The following INTS9 variants were observed in gnomAD, a reference collection of about 807,000 sequenced individuals.
The protein encoded by INTS9 is integrator complex subunit 9, also known as protein related to CPSF subunits of 74 kDa.
INTS9 carries 55 observed loss-of-function variants against 79.7 expected under a neutral mutation model. The ratio of observed to expected loss-of-function variants is 0.69; its 90% confidence interval spans 0.56 to 0.86. The LOEUF is 0.86. INTS9 is among the 40% of genes least tolerant of loss of function. INTS9 has a pLI of 0.00. For missense variants in INTS9, 721 were observed against 831.5 expected (o/e 0.87, Z 1.64); for synonymous variants, 319 against 325.2 (o/e 0.98, Z 0.20).
chr8:28,869,561 C>A (rs555632959), intron 1 of INTS9, among the ~76,000 whole-genome samples: 3 of 152,310 alleles, frequency 2.0e-5, no homozygotes, highest in Admixed American at 1.3e-4. Context: ...TTCCACTGAG[C>A]CAAATTTGCC....
intron 1 of INTS9, among the ~76,000 whole-genome samples, chr8:28,865,743 G>A (rs1353752317): frequency 2.0e-5 from 3 of 152,060 alleles, no homozygotes; most frequent in African/African-American, 2.4e-5. Flanking sequence ...AGATGTGCAC[G>A]GGTATGAGGT....
At chr8:28,827,677 CTGA>C (rs1274470575) in intron 6 of INTS9, among the ~76,000 whole-genome samples, 1 of 152,082 alleles carries the variant, frequency 6.6e-6, no homozygotes, top group Non-Finnish European at 1.5e-5. Flanking sequence ...GTTACAACCC[CTGA>C]TGTTTATTTT....
At chr8:28,773,381 A>G (rs1310317671) in intron 14 of INTS9, among the ~76,000 whole-genome samples, 11 of 149,612 alleles carry the variant, frequency 7.4e-5, no homozygotes, top group South Asian at 4.2e-4. Context: ...GGAGAATGGC[A>G]TGAAGCTGGG....
At chr8:28,820,347 G>A (rs1265018630) in intron 6 of INTS9, among the ~76,000 whole-genome samples, 1 of 152,162 alleles carries the variant, frequency 6.6e-6, no homozygotes, top group African/African-American at 2.4e-5. Flanking sequence ...GGGCAGGCCT[G>A]GTGGTGACAA....
intron 10 of INTS9, among the ~76,000 whole-genome samples, chr8:28,793,486 T>C (rs1008060444): frequency 6.6e-6 from 1 of 152,218 alleles, no homozygotes; most frequent in Admixed American, 6.5e-5. Flanking sequence ...AAAATTTTTT[T>C]AACTTTTAGA....
intron 1 of INTS9, among the ~76,000 whole-genome samples, chr8:28,880,988 C>G (rs987043140): frequency 6.6e-6 from 1 of 151,228 alleles, no homozygotes; most frequent in African/African-American, 2.4e-5. Flanking sequence ...CCCGGCCGCT[C>G]CGTCTGAAAA....
At position 28,770,010 on chromosome 8, in the gene INTS9, G is replaced by A; in HGVS notation, c.1679C>T (p.Ala560Val). ...KHLLQPPPRP[A>V]QPTSGKKRKR... ...TCTCTTCTTCCCGCTCGTGGGCTGG[G>A]CGGGCCGAGGAGGGGGCTAGAGCAG... The change falls in exon 16 of 17, where the codon GCC (alanine) becomes GTC (valine). Residue 560 changes from alanine (A) to valine (V), a missense_variant. Ala to Val is a moderately conservative substitution (Grantham distance 64, BLOSUM62 0). Transcript: ENST00000521022. 1.9e-6 allele frequency: 3 copies of A among 1,614,034 alleles called. No individual in the cohort carries two copies. The highest frequency in any genetic ancestry group is 2.5e-6 in the Non-Finnish European group (3 of 1,180,036).
At chr8:28,859,097 T>C (rs1808319680) in intron 2 of INTS9, among the ~76,000 whole-genome samples, 2 of 152,090 alleles carry the variant, frequency 1.3e-5, no homozygotes, top group African/African-American at 4.8e-5. Flanking sequence ...GGCTGCTAAA[T>C]AATTCTAAAA....
chr8:28,848,630 A>T (rs1280788057), intron 3 of INTS9, among the ~76,000 whole-genome samples: 2 of 152,202 alleles, frequency 1.3e-5, no homozygotes, highest in East Asian at 1.9e-4. Flanking sequence ...GTTAAAAATG[A>T]TTAAAGACAA....
At chr8:28,772,047 TA>T in intron 14 of INTS9, among the ~76,000 whole-genome samples, 1 of 152,118 alleles carries the variant, frequency 6.6e-6, no homozygotes, top group East Asian at 1.9e-4. Context: ...TTTTTGTAGA[TA>T]CGGGGGTCTT....
intron 1 of INTS9, among the ~76,000 whole-genome samples, chr8:28,883,963 A>G (rs1206749423): frequency 6.6e-6 from 1 of 152,160 alleles, no homozygotes; most frequent in East Asian, 1.9e-4. Context: ...ATTGCTGAAC[A>G]TCAGAGCAAA....
intron 8 of INTS9, among the ~76,000 whole-genome samples, chr8:28,803,077 C>T (rs540942585): frequency 3.2e-4 from 49 of 152,156 alleles, no homozygotes; most frequent in African/African-American, 1.1e-3. Flanking sequence ...CATGCCACTG[C>T]ACTCCAACCT....
At chr8:28,862,493 C>T (rs1808513083) in intron 1 of INTS9, among the ~76,000 whole-genome samples, 1 of 152,322 alleles carries the variant, frequency 6.6e-6, no homozygotes, top group East Asian at 1.9e-4. Flanking sequence ...CCTACTATCA[C>T]AAGCATGGCT....
chr8:28,847,495 AACC>A (rs1217149664), intron 3 of INTS9, among the ~76,000 whole-genome samples: 5 of 150,786 alleles, frequency 3.3e-5, no homozygotes, highest in African/African-American at 4.9e-5. Context: ...CCTCCACCAC[AACC>A]ACCACTACTA....
At chr8:28,858,124 C>T (rs1808273819) in intron 2 of INTS9, among the ~76,000 whole-genome samples, 1 of 152,176 alleles carries the variant, frequency 6.6e-6, no homozygotes, top group African/African-American at 2.4e-5. Context: ...CAGTTCTCAT[C>T]ACCCAGGAAA....
At chr8:28,827,441 G>A in intron 6 of INTS9, among the ~76,000 whole-genome samples, 1 of 152,198 alleles carries the variant, frequency 6.6e-6, no homozygotes. Flanking sequence ...TTAAGTGTAT[G>A]TTGAATGAAT....
At chr8:28,874,698 C>T (rs1809282640) in intron 1 of INTS9, among the ~76,000 whole-genome samples, 1 of 152,146 alleles carries the variant, frequency 6.6e-6, no homozygotes, top group Admixed American at 6.5e-5. Context: ...TAAAACCCAC[C>T]ATGCTTTTGC....
intron 1 of INTS9, among the ~76,000 whole-genome samples, chr8:28,870,756 C>T (rs961647231): frequency 6.6e-6 from 1 of 152,102 alleles, no homozygotes; most frequent in Non-Finnish European, 1.5e-5. Context: ...AAGGGGTTCC[C>T]TAACTCAACA....
At chr8:28,799,984 G>T (rs951162192) in intron 8 of INTS9, among the ~76,000 whole-genome samples, 3 of 152,018 alleles carry the variant, frequency 2.0e-5, no homozygotes, top group Admixed American at 2.0e-4. Flanking sequence ...AACATCTCCC[G>T]GACATCTCTC....
Sources: allele counts gnomAD v4.1 joint callset (sites outside exome capture counted in the v4.1 genomes callset), GRCh38; gene constraint gnomAD v4.1.1; transcripts MANE v1.5; gene names NCBI Gene and HGNC (gene_info 2026-07-23, HGNC 2026-07-21).